VAT1L: variants seen among roughly 807,000 people sequenced by gnomAD.
VAT1L encodes putative NADPH-dependent quinone oxidoreductase VAT1L.
In VAT1L, 34 loss-of-function variants were observed where a neutral mutation model predicts 44.1. The observed-to-expected ratio is 0.77, with a 90% CI of 0.59 to 1.03. The LOEUF (loss-of-function observed/expected upper bound fraction) is 1.03, where lower values mean the gene tolerates loss of function less well. Ranked by LOEUF, VAT1L falls within the 50% of genes least tolerant of loss-of-function variation. The pLI is 0.00. For missense variants in VAT1L, 615 were observed against 538.8 expected, an observed-to-expected ratio of 1.14 and a Z score of -1.40; for synonymous variants, 253 against 202.2, an observed-to-expected ratio of 1.25 and a Z score of -2.13.
chr16:77,797,093 A>G (rs192736523), intron 1 of VAT1L, among the ~76,000 whole-genome samples: 3 of 151,866 alleles, frequency 2.0e-5, no homozygotes, highest in Non-Finnish European at 2.9e-5. Context: ...CCACTCAACA[A>G]AACTGCACTT....
intron 7 of VAT1L, among the ~76,000 whole-genome samples, chr16:77,906,829 C>T (rs1383023989): frequency 6.6e-6 from 1 of 152,204 alleles, no homozygotes; most frequent in African/African-American, 2.4e-5. Context: ...AAGGAACTGC[C>T]ATCTTCCACA....
At chr16:77,922,925 C>T (rs1208520596) in intron 7 of VAT1L, among the ~76,000 whole-genome samples, 4 of 152,058 alleles carry the variant, frequency 2.6e-5, no homozygotes, top group South Asian at 2.1e-4. Flanking sequence ...ATGCAGATTC[C>T]GGGACCTCAA....
At chr16:77,961,137 A>C (rs2018155641) in intron 7 of VAT1L, among the ~76,000 whole-genome samples, 1 of 152,066 alleles carries the variant, frequency 6.6e-6, no homozygotes. Context: ...ACCTTGAGGG[A>C]AACAGCTGGG....
chr16:77,942,377 C>G (rs117646985), intron 7 of VAT1L, among the ~76,000 whole-genome samples: 7 of 152,104 alleles, frequency 4.6e-5, no homozygotes, highest in Non-Finnish European at 1.0e-4. Context: ...ATTGTGGGAA[C>G]TGCAATTCAA....
At chr16:77,938,030 C>T (rs2017825355) in intron 7 of VAT1L, among the ~76,000 whole-genome samples, 1 of 152,214 alleles carries the variant, frequency 6.6e-6, no homozygotes, top group African/African-American at 2.4e-5. Flanking sequence ...CAAAACCCTT[C>T]TTTTTATGAG....
intron 7 of VAT1L, among the ~76,000 whole-genome samples, chr16:77,943,086 T>C (rs984818778): frequency 2.7e-4 from 41 of 150,894 alleles, no homozygotes; most frequent in African/African-American, 8.5e-4. Flanking sequence ...AGATGGAGTC[T>C]GCCTCTGTCG....
chr16:77,889,885 G>A (rs1401167767), intron 7 of VAT1L, among the ~76,000 whole-genome samples: 13 of 152,038 alleles, frequency 8.6e-5, no homozygotes, highest in Non-Finnish European at 1.3e-4. Context: ...TCGGGAGTTC[G>A]AGACCAGCCC....
At chr16:77,913,205 G>A (rs574772727) in intron 7 of VAT1L, among the ~76,000 whole-genome samples, 2 of 151,892 alleles carry the variant, frequency 1.3e-5, no homozygotes, top group Admixed American at 1.3e-4. Flanking sequence ...TTTTTATTGT[G>A]GCAAAAACAC....
intron 7 of VAT1L, among the ~76,000 whole-genome samples, chr16:77,897,583 G>T (rs927423081): frequency 6.6e-6 from 1 of 152,172 alleles, no homozygotes; most frequent in Non-Finnish European, 1.5e-5. Flanking sequence ...CAATGATCCT[G>T]CCTCAGCCTC....
At chr16:77,923,017 A>G (rs1056161308) in intron 7 of VAT1L, among the ~76,000 whole-genome samples, 2 of 152,142 alleles carry the variant, frequency 1.3e-5, no homozygotes, top group African/African-American at 4.8e-5. Context: ...CAGCCTGTTA[A>G]AAGTCAGCAG....
chr16:77,855,437 TTCCTTC>T (rs1438397387), intron 3 of VAT1L, among the ~76,000 whole-genome samples: 1 of 151,992 alleles, frequency 6.6e-6, no homozygotes, highest in Non-Finnish European at 1.5e-5. Context: ...GGTGAGTCCT[TTCCTTC>T]TCCTTATCTA....
At chr16:77,971,724 T>A in intron 7 of VAT1L, 126 bp from the exon 8 acceptor site, 1 of 921,608 alleles carries the variant, frequency 1.1e-6, no homozygotes, top group Non-Finnish European at 1.7e-6. Flanking sequence ...AGCAACCTCT[T>A]AGCCACTAAA....
chr16:77,846,367 C>T lies in VAT1L; in HGVS notation c.580-16381C>T, dbSNP rs575482565. Among the ~76,000 whole-genome samples, 269 of 152,198 alleles carry T rather than the reference C, an allele frequency of 1.8e-3. 1 individual carries two copies. Among genetic ancestry groups the T allele is most frequent in the Admixed American group, 3.9e-3 (59 of 15,282 alleles). ...TGACAGAAATTCTTGCTTTGCTGCCCCAAATATTTTCTTTAGAATTTTACT... is the reference window on the plus strand; with the variant it reads ...TGACAGAAATTCTTGCTTTGCTGCCTCAAATATTTTCTTTAGAATTTTACT... On this transcript the variant is annotated intron_variant, in intron 3 of 8. Coordinates refer to ENST00000302536, the MANE Select transcript of VAT1L (RefSeq NM_020927.3).
At chr16:77,812,956 G>A (rs1382662970) in intron 1 of VAT1L, among the ~76,000 whole-genome samples, 4 of 152,010 alleles carry the variant, frequency 2.6e-5, no homozygotes, top group Non-Finnish European at 2.9e-5. Context: ...TTTATGTCAG[G>A]CACTTTCCAA....
intron 7 of VAT1L, among the ~76,000 whole-genome samples, chr16:77,893,786 G>T (rs1192342623): frequency 1.3e-5 from 2 of 152,102 alleles, no homozygotes; most frequent in South Asian, 2.1e-4. Context: ...GCTTACCATT[G>T]AATTTGATGG....
chr16:77,966,053 A>C (rs1286665206), intron 7 of VAT1L, among the ~76,000 whole-genome samples: 2 of 152,204 alleles, frequency 1.3e-5, no homozygotes, highest in Non-Finnish European at 1.5e-5. Flanking sequence ...AAAAAGCGTA[A>C]ATTATTACTT....
At chr16:77,931,280 T>C (rs2017728546) in intron 7 of VAT1L, among the ~76,000 whole-genome samples, 1 of 152,196 alleles carries the variant, frequency 6.6e-6, no homozygotes, top group Admixed American at 6.5e-5. Flanking sequence ...ATGTTGGAAA[T>C]GAAAGGCTCT....
intron 3 of VAT1L, among the ~76,000 whole-genome samples, chr16:77,833,592 A>G (rs2016605594): frequency 6.6e-6 from 1 of 152,098 alleles, no homozygotes; most frequent in African/African-American, 2.4e-5. Flanking sequence ...CTCTACTACA[A>G]ATACAAAAAT....
intron 7 of VAT1L, among the ~76,000 whole-genome samples, chr16:77,926,295 G>T (rs1344943454): frequency 6.8e-6 from 1 of 147,872 alleles, no homozygotes; most frequent in Non-Finnish European, 1.5e-5. Context: ...AATAAAATAG[G>T]AGTTGGGCCA....
Sources: allele counts gnomAD v4.1 joint callset (sites outside exome capture counted in the v4.1 genomes callset), GRCh38; gene constraint gnomAD v4.1.1; transcripts MANE v1.5; gene names NCBI Gene and HGNC (gene_info 2026-07-23, HGNC 2026-07-21).